The following PCDHA12 variants were observed in gnomAD, a reference collection of about 807,000 sequenced individuals.
PCDHA12 encodes the protein protocadherin alpha-12.
Under a neutral mutation model 60.0 loss-of-function variants are expected in PCDHA12, and 44 were observed. The observed-to-expected ratio is 0.73, with a 90% CI of 0.58 to 0.94. The LOEUF (loss-of-function observed/expected upper bound fraction) is 0.94, where lower values mean the gene tolerates loss of function less well. Among genes scored for constraint, PCDHA12 ranks in the 40% least tolerant of loss-of-function variants. The pLI is 0.00. For missense variants in PCDHA12, 1,276 were observed against 1,239.7 expected (o/e 1.03, Z -0.44); for synonymous variants, 569 against 553.0 (o/e 1.03, Z -0.40).
rs550730996 is a variant in PCDHA12, at chr5:140,982,280, G to T, written c.2427-195G>T. The T allele has an allele frequency of 2.1e-5, 21 of 1,007,278 alleles. No homozygotes were observed. The Admixed American group carries it at 5.3e-4, about 25-fold the overall frequency. 62.4% of individuals were successfully genotyped at this position (1,007,278 alleles called of 1,614,324 possible). A position where few individuals can be genotyped will look rare whatever the true frequency, so the allele number is the denominator to read the frequency against. ...GTGTGTTCCTGGAATAGTATAGCAGGCAATAAGTAAGTCAGCAATGCTTCT... is the reference window on the plus strand; with the variant it reads ...GTGTGTTCCTGGAATAGTATAGCAGTCAATAAGTAAGTCAGCAATGCTTCT... On this transcript the variant is annotated intron_variant, in intron 2 of 3. Transcript: ENST00000398631.
At chr5:140,968,460 C>T (rs1554230749) in intron 1 of PCDHA12, 3 of 1,613,978 alleles carry the variant, frequency 1.9e-6, no homozygotes, top group Non-Finnish European at 2.5e-6. Context: ...ACTGTGACTG[C>T]CAACGTATAT....
chr5:141,008,941 G>T, intron 3 of PCDHA12, among the ~76,000 whole-genome samples: 1 of 152,140 alleles, frequency 6.6e-6, no homozygotes, highest in East Asian at 1.9e-4. Context: ...TCTTGTTTTG[G>T]ACAAAATAGA....
intron 1 of PCDHA12, among the ~76,000 whole-genome samples, chr5:140,947,497 T>A (rs1289449406): frequency 6.6e-6 from 1 of 151,724 alleles, no homozygotes; most frequent in Non-Finnish European, 1.5e-5. Flanking sequence ...ATAGGTCATT[T>A]AAATTTTCAT....
Position 140,875,436 on chromosome 5 carries a change from A to G in PCDHA12, c.-37A>G, listed in dbSNP as rs782083459. The G allele has an allele frequency of 6.4e-7, 1 of 1,564,660 alleles. No individual in the cohort carries two copies. Among genetic ancestry groups the G allele is most frequent in the Non-Finnish European group, 8.6e-7 (1 of 1,157,288 alleles). On this transcript the variant is annotated 5_prime_UTR_variant, in exon 1 of 4. Transcript: ENST00000398631. ...TACCTCAGGCAAGCGATCCCTTAAA[A>G]CTGATTGTCCCAACTCAGAGGCCCT...
intron 1 of PCDHA12, among the ~76,000 whole-genome samples, chr5:140,906,130 C>T (rs1554192409): frequency 6.6e-6 from 1 of 152,112 alleles, no homozygotes; most frequent in African/African-American, 2.4e-5. Flanking sequence ...AAATGTTAGT[C>T]TCCTTTGATA....
chr5:140,933,734 T>C (rs1355766834), intron 1 of PCDHA12, among the ~76,000 whole-genome samples: 2 of 152,062 alleles, frequency 1.3e-5, no homozygotes, highest in Admixed American at 6.5e-5. Flanking sequence ...CTTTCTTAAA[T>C]ATTTGGTAGA....
intron 1 of PCDHA12, among the ~76,000 whole-genome samples, chr5:140,898,428 A>G (rs1554187988): frequency 2.6e-5 from 4 of 152,132 alleles, no homozygotes; most frequent in Non-Finnish European, 5.9e-5. Flanking sequence ...TTTTCCCAGC[A>G]CCATTTATTA....
chr5:140,926,798 C>G, intron 1 of PCDHA12: 2 of 1,455,342 alleles, frequency 1.4e-6, no homozygotes, highest in Non-Finnish European at 1.8e-6. Flanking sequence ...GGAGCGTGCT[C>G]TTCCCCGCGG....
At chr5:140,928,381 T>C (rs1554205835) in intron 1 of PCDHA12, 2 of 1,614,054 alleles carry the variant, frequency 1.2e-6, no homozygotes, top group African/African-American at 2.7e-5. Flanking sequence ...AGCCTCTAGC[T>C]TGCTGGCAGT....
At chr5:140,945,372 T>C (rs1554216918) in intron 1 of PCDHA12, among the ~76,000 whole-genome samples, 1 of 152,088 alleles carries the variant, frequency 6.6e-6, no homozygotes, top group Non-Finnish European at 1.5e-5. Flanking sequence ...AATGTCCATA[T>C]TACCCAAAGC....
chr5:140,904,499 A>G (rs1554191555), intron 1 of PCDHA12, among the ~76,000 whole-genome samples: 1 of 151,770 alleles, frequency 6.6e-6, no homozygotes, highest in Non-Finnish European at 1.5e-5. Flanking sequence ...AATTTTTACA[A>G]TTGTGAATTG....
At chr5:140,887,263 A>AT (rs1336620900) in intron 1 of PCDHA12, among the ~76,000 whole-genome samples, 1 of 151,790 alleles carries the variant, frequency 6.6e-6, no homozygotes, top group Non-Finnish European at 1.5e-5. Flanking sequence ...CGCCCTGCTA[A>AT]TTTTTTGTAT....
intron 1 of PCDHA12, among the ~76,000 whole-genome samples, chr5:140,953,024 G>A (rs2094834462): frequency 6.6e-6 from 1 of 152,026 alleles, no homozygotes; most frequent in South Asian, 2.1e-4. Context: ...AACATTAAGG[G>A]GGAAATCCAC....
chr5:141,005,821 C>T (rs557161446), intron 3 of PCDHA12, among the ~76,000 whole-genome samples: 1 of 150,884 alleles, frequency 6.6e-6, no homozygotes, highest in African/African-American at 2.4e-5. Context: ...GGTATGGTGG[C>T]CTGTAGTCCC....
intron 1 of PCDHA12, among the ~76,000 whole-genome samples, chr5:140,958,679 A>G (rs1317780380): frequency 6.6e-6 from 1 of 152,200 alleles, no homozygotes; most frequent in Non-Finnish European, 1.5e-5. Context: ...ATTATAAAGG[A>G]TATTGAATAT....
intron 1 of PCDHA12, among the ~76,000 whole-genome samples, chr5:140,908,703 C>T (rs751488038): frequency 5.9e-5 from 9 of 152,318 alleles, no homozygotes; most frequent in Non-Finnish European, 1.3e-4. Flanking sequence ...ACCTCAAGCA[C>T]CATTGGATCT....
At chr5:140,877,909 C>G in intron 1 of PCDHA12, 70 bp downstream of exon 1, 4 of 1,432,580 alleles carry the variant, frequency 2.8e-6, no homozygotes, top group Non-Finnish European at 3.7e-6. Context: ...TAACTACATT[C>G]TCTCATTTTT....
chr5:140,972,499 G>A (rs1398741603), intron 1 of PCDHA12, among the ~76,000 whole-genome samples: 3 of 151,888 alleles, frequency 2.0e-5, no homozygotes, highest in South Asian at 4.2e-4. Flanking sequence ...TAATCTGTTG[G>A]TAGATTTTAC....
chr5:140,933,695 G>A lies in PCDHA12; in HGVS notation c.2368-45254G>A, dbSNP rs575994908. On this transcript the variant is annotated intron_variant, in intron 1 of 3. Coordinates refer to ENST00000398631, the MANE Select transcript of PCDHA12 (RefSeq NM_018903.4). ...TCTCACATTTTTTTTCCTATTCCTCGGACACATTTACTGAGATTGGTGATA... is the reference window on the plus strand; with the variant it reads ...TCTCACATTTTTTTTCCTATTCCTCAGACACATTTACTGAGATTGGTGATA... Among the ~76,000 whole-genome samples the A allele has an allele frequency of 1.8e-4, 27 of 151,494 alleles. 1 individual carries two copies. The South Asian group carries it at 3.7e-3, about 21-fold the overall frequency.
Sources: allele counts gnomAD v4.1 joint callset (sites outside exome capture counted in the v4.1 genomes callset), GRCh38; gene constraint gnomAD v4.1.1; transcripts MANE v1.5; gene names NCBI Gene and HGNC (gene_info 2026-07-23, HGNC 2026-07-21).